The following PCLO variants were observed in gnomAD, a reference collection of about 807,000 sequenced individuals.
PCLO encodes the protein piccolo presynaptic cytomatrix protein, also known as protein piccolo.
PCLO carries 82 observed loss-of-function variants against 427.5 expected under a neutral mutation model. The ratio of observed to expected loss-of-function variants is 0.19; its 90% CI spans 0.16 to 0.23. The LOEUF (loss-of-function observed/expected upper bound fraction) is 0.23. Ranked by LOEUF, PCLO falls within the 10% of genes least tolerant of loss-of-function variation. PCLO has a pLI of 1.00. For missense variants in PCLO, 6,239 were observed against 6,115.9 expected, an observed-to-expected ratio of 1.02 and a Z score of -0.67; for synonymous variants, 2,357 against 2,155.4, an observed-to-expected ratio of 1.09 and a Z score of -2.59.
chr7:83,157,531 A>C (rs1488723732), intron 1 of PCLO, among the ~76,000 whole-genome samples: 1 of 151,896 alleles, frequency 6.6e-6, no homozygotes, highest in Non-Finnish European at 1.5e-5. Context: ...TATTTTTTAA[A>C]ACAGCCTTGG....
chr7:82,848,184 T>C (rs1364737010), intron 10 of PCLO, among the ~76,000 whole-genome samples: 1 of 152,064 alleles, frequency 6.6e-6, no homozygotes, highest in African/African-American at 2.4e-5. Context: ...CATGCAGCTA[T>C]GTGAACTGGG....
chr7:82,904,684 C>T (rs574630974), intron 8 of PCLO, among the ~76,000 whole-genome samples: 1 of 152,102 alleles, frequency 6.6e-6, no homozygotes, highest in African/African-American at 2.4e-5. Context: ...GATGTAATCT[C>T]ACAGTGCATC....
Position 83,135,038 on chromosome 7 carries a change from A to G in PCLO, c.2512T>C (p.Ser838Pro). 1 of 1,613,884 alleles carries G rather than the reference A, an allele frequency of 6.2e-7. No individual in the cohort carries two copies. The highest frequency in any genetic ancestry group is 8.5e-7 in the Non-Finnish European group (1 of 1,179,864). Reference protein sequence around the residue: ...SKIISHPGPSSESKGQKQVDP... With the variant: ...SKIISHPGPSPESKGQKQVDP... The stretch of plus-strand genomic sequence containing the variant: ...ACTTGTTTTTGACCTTTGCTCTCTG[A>G]ACTGGGACCAGGATGTGAAATAATT... Residue 838 changes from serine (S) to proline (P), a missense_variant, in exon 3 of 25, where the codon TCA becomes CCA. By Grantham distance (74) the Ser-to-Pro change is moderately conservative. This residue lies in a region of PCLO where 4,677 missense variants were observed against 4,468.4 expected (regional missense o/e 1.05). Coordinates refer to ENST00000333891, the MANE Select transcript of PCLO (RefSeq NM_033026.6).
In PCLO at chr7:82,955,752, A is replaced by G; in HGVS notation, c.5201T>C (p.Val1734Ala). ...SFTPGTSPTS[V>A]SSLDEDSDSS... ...GTCACTGTCCTCATCAAGTGATGAT[A>G]CTGATGTAGGGGATGTACCAGGAGT... The change falls in exon 5 of 25, where the codon GTA becomes GCA. Residue 1734 changes from valine (V) to alanine (A), a missense_variant. Physicochemically the swap from Val to Ala is moderately conservative, Grantham distance 64. Transcript: ENST00000333891. 1 of 1,613,908 alleles carries G rather than the reference A, an allele frequency of 6.2e-7. No homozygotes were observed. The highest frequency in any genetic ancestry group is 1.3e-5 in the African/African-American group (1 of 75,032).
chr7:82,998,754 T>A (rs1341197781), intron 3 of PCLO, among the ~76,000 whole-genome samples: 1 of 151,640 alleles, frequency 6.6e-6, no homozygotes, highest in Non-Finnish European at 1.5e-5. Context: ...ATACATCATA[T>A]CCAGCTATCA....
Position 83,021,461 on chromosome 7 carries a change from T to A in PCLO, c.3301-54974A>T, listed in dbSNP as rs1375808441. The stretch of plus-strand genomic sequence containing the variant: ...AGTTTATGGTCCTCAGTTTCTTATT[T>A]AGATAACAGAGATAAAAGGTTTTTT... On this transcript the variant is annotated intron_variant, in intron 3 of 24. Coordinates refer to ENST00000333891, the MANE Select transcript of PCLO (RefSeq NM_033026.6). 2.0e-5 allele frequency among the ~76,000 whole-genome samples: 3 copies of A among 152,170 alleles called. No individual in the cohort carries two copies. The East Asian group carries it at 5.8e-4, about 29-fold the overall frequency.
In PCLO at chr7:82,902,731, A is replaced by G; in HGVS notation, c.13448T>C (p.Met4483Thr). Residue 4483 changes from methionine to threonine, a missense_variant, in exon 9 of 25, where the codon ATG becomes ACG. Transcript: ENST00000333891. Reference protein sequence around the residue: ...LSQHQEQIIQMNGKTMHYIFP... With the variant: ...LSQHQEQIIQTNGKTMHYIFP... Reference sequence around the variant, plus strand: ...GATGTAGTGCATAGTTTTCCCGTTCATCTGTATAATCTAAGACATACATGT... The same window carrying G: ...GATGTAGTGCATAGTTTTCCCGTTCGTCTGTATAATCTAAGACATACATGT... The G allele has an allele frequency of 1.9e-6, 3 of 1,569,084 alleles. No individual in the cohort carries two copies. The highest frequency in any genetic ancestry group is 2.6e-6 in the Non-Finnish European group (3 of 1,140,452).
chr7:83,002,655 ATAGAT>A (rs140843573), intron 3 of PCLO, among the ~76,000 whole-genome samples: 2,617 of 152,042 alleles, frequency 0.017, 90 homozygotes, highest in African/African-American at 0.06. Flanking sequence ...ACAATAGAAA[ATAGAT>A]TAAACAAATT....
At chr7:83,148,297 C>G (rs991096699) in intron 2 of PCLO, among the ~76,000 whole-genome samples, 1 of 152,252 alleles carries the variant, frequency 6.6e-6, no homozygotes, top group Non-Finnish European at 1.5e-5. Flanking sequence ...AACCCTACAA[C>G]CCAACCCCAT....
intron 6 of PCLO, among the ~76,000 whole-genome samples, chr7:82,931,175 G>T (rs1282349304): frequency 1.3e-5 from 2 of 152,082 alleles, no homozygotes; most frequent in East Asian, 3.9e-4. Flanking sequence ...ATAAGGCCCA[G>T]TACTATTATT....
chr7:82,847,099 T>C (rs369990400), intron 11 of PCLO, 40 bp downstream of exon 11: 21 of 1,116,980 alleles, frequency 1.9e-5, no homozygotes, highest in Non-Finnish European at 2.7e-5. Context: ...GAGTCATGGA[T>C]AGCCAAAAAA....
chr7:82,978,499 T>C (rs945045731), intron 3 of PCLO, among the ~76,000 whole-genome samples: 10 of 152,216 alleles, frequency 6.6e-5, no homozygotes, highest in African/African-American at 2.2e-4. Flanking sequence ...TTACACAATT[T>C]CTATGATATT....
At position 82,956,640 on chromosome 7, in the gene PCLO, G is replaced by A. The variant is rs773423317; in HGVS notation, c.4313C>T (p.Pro1438Leu). 1 of 1,613,656 alleles carries A rather than the reference G, an allele frequency of 6.2e-7. No individual in the cohort carries two copies. The highest frequency in any genetic ancestry group is 8.5e-7 in the Non-Finnish European group (1 of 1,179,848). ...AGGCTGTTCAGGAGAAACTTCATGG[G>A]GTTGTGTTTTCTTTTCTGACTTTTC... is the stretch of plus-strand genomic sequence containing the variant. ...ADEKSEKKTQ[P>L]HEVSPEQPKD... is the part of the protein sequence containing the mutation. The change falls in exon 5 of 25, where the codon CCC becomes CTC. Residue 1438 changes from proline to leucine, a missense_variant. Coordinates refer to ENST00000333891, the MANE Select transcript of PCLO (RefSeq NM_033026.6).
intron 10 of PCLO, among the ~76,000 whole-genome samples, chr7:82,870,096 T>C (rs1793194998): frequency 6.6e-6 from 1 of 151,876 alleles, no homozygotes; most frequent in Admixed American, 6.6e-5. Context: ...AAATTTCTAA[T>C]AGTTGAGTGG....
rs546104769 is a variant in PCLO, at chr7:82,998,729, A to C, written c.3301-32242T>G. Among the ~76,000 whole-genome samples the C allele has an allele frequency of 2.0e-5, 3 of 151,996 alleles. No homozygotes were observed. In the East Asian group the frequency reaches 5.8e-4, roughly 29 times the overall value. The stretch of plus-strand genomic sequence containing the variant: ...ACATTACTAAAGGCCTATTTACAGC[A>C]CTTTCTTTTACCCAATACATCATAT... On this transcript the variant is annotated intron_variant, in intron 3 of 24. Transcript: ENST00000333891.
chr7:82,945,220 T>G (rs991462645), intron 6 of PCLO, among the ~76,000 whole-genome samples: 1 of 152,146 alleles, frequency 6.6e-6, no homozygotes, highest in African/African-American at 2.4e-5. Context: ...TAAGAGTAAG[T>G]AGGCTGCAAG....
chr7:82,942,799 T>C (rs554964870), intron 6 of PCLO, among the ~76,000 whole-genome samples: 3 of 152,030 alleles, frequency 2.0e-5, no homozygotes. Flanking sequence ...ACATTAGTAA[T>C]GAAGAAGGTA....
At chr7:82,984,408 C>CTGTGTGTGTGTGTGTGTGTG (rs5885327) in intron 3 of PCLO, among the ~76,000 whole-genome samples, 10 of 135,864 alleles carry the variant, frequency 7.4e-5, no homozygotes, top group African/African-American at 2.8e-4. Flanking sequence ...AATGTGGTGT[C>CTGTGTGTGTGTGTGTGTGTG]TGTGTGTGTG....
chr7:83,067,644 TTCTCTGTTC>T (rs1280691988), intron 3 of PCLO, among the ~76,000 whole-genome samples: 1 of 152,196 alleles, frequency 6.6e-6, no homozygotes, highest in African/African-American at 2.4e-5. Context: ...CCCACAGTTC[TTCTCTGTTC>T]AGCCACCAAC....
Sources: allele counts gnomAD v4.1 joint callset (sites outside exome capture counted in the v4.1 genomes callset), GRCh38; gene constraint gnomAD v4.1.1; regional missense constraint gnomAD v4.1.1; transcripts MANE v1.5; gene names NCBI Gene and HGNC (gene_info 2026-07-23, HGNC 2026-07-21).